Variants in LARGE1 observed in about 807,000 individuals in gnomAD.
The protein encoded by LARGE1 is xylosyl- and glucuronyltransferase LARGE1.
In LARGE1, 43 loss-of-function variants were observed where a neutral mutation model predicts 87.6. That is an observed-to-expected ratio of 0.49 (90% CI 0.38 to 0.63). The LOEUF is 0.63. Among genes scored for constraint, LARGE1 ranks in the 30% least tolerant of loss-of-function variants. The probability of loss-of-function intolerance (pLI) is 0.00; values close to 1 mark genes in which losing one functional copy is unlikely to be tolerated. For missense variants in LARGE1, 802 were observed against 1,000.2 expected (o/e 0.80, Z 2.67); for synonymous variants, 434 against 394.6 (o/e 1.10, Z -1.18).
chr22:33,771,616 T>A (rs543813070), intron 1 of LARGE1, among the ~76,000 whole-genome samples: 5 of 152,170 alleles, frequency 3.3e-5, no homozygotes, highest in Non-Finnish European at 7.4e-5. Flanking sequence ...AAAACCCCCA[T>A]GCCAACAGCT....
chr22:33,462,237 C>T (rs1346828670), intron 6 of LARGE1, among the ~76,000 whole-genome samples: 1 of 152,088 alleles, frequency 6.6e-6, no homozygotes, highest in Non-Finnish European at 1.5e-5. Context: ...GAGTGGAATA[C>T]CTTCAGTGTG....
At chr22:33,081,562 A>G in the LARGE1 span, among the ~76,000 whole-genome samples, 1 of 152,214 alleles carries the variant, frequency 6.6e-6, no homozygotes, top group Non-Finnish European at 1.5e-5. Flanking sequence ...CCAAGTCATA[A>G]AAGAAAGATA....
intron 3 of LARGE1, among the ~76,000 whole-genome samples, chr22:33,642,908 G>T (rs982781393): frequency 1.4e-4 from 21 of 151,916 alleles, no homozygotes; most frequent in Admixed American, 1.3e-3. Flanking sequence ...TAAGTTCTTA[G>T]ATATCTACAA....
intron 2 of LARGE1, among the ~76,000 whole-genome samples, chr22:33,662,089 A>AAG: frequency 6.6e-6 from 1 of 151,384 alleles, no homozygotes; most frequent in East Asian, 1.9e-4. Context: ...AAAAAAAAAA[A>AAG]AAAAAAAAAA....
At chr22:33,133,679 C>A in the LARGE1 span, among the ~76,000 whole-genome samples, 1 of 152,104 alleles carries the variant, frequency 6.6e-6, no homozygotes, top group Non-Finnish European at 1.5e-5. Flanking sequence ...ATTTATAATC[C>A]TTTGGGTATA....
chr22:33,584,430 C>G (rs148377737), intron 5 of LARGE1, among the ~76,000 whole-genome samples: 3 of 152,150 alleles, frequency 2.0e-5, no homozygotes, highest in Admixed American at 6.5e-5. Flanking sequence ...GACTATCCAG[C>G]TGGTAGCTGA....
Position 33,198,824 on chromosome 22 carries a change from C to G in LARGE1, c.1731-31992G>C, listed in dbSNP as rs528645398. Among the ~76,000 whole-genome samples, 10 of 152,262 alleles carry G rather than the reference C, an allele frequency of 6.6e-5. No individual in the cohort carries two copies. In the South Asian group the frequency reaches 1.7e-3, roughly 25 times the overall value. On this transcript the variant is annotated intron_variant, in intron 11 of 11. Transcript: ENST00000608642. The stretch of plus-strand genomic sequence containing the variant: ...GTGATAAACACACTAGTGCCAGTCT[C>G]TTTTTGATATAATGATTTGTTTCCC...
intron 6 of LARGE1, among the ~76,000 whole-genome samples, chr22:33,447,354 G>A (rs1369485497): frequency 6.6e-6 from 1 of 152,184 alleles, no homozygotes; most frequent in Non-Finnish European, 1.5e-5. Flanking sequence ...GTAAGGGCTG[G>A]AGACACAAAT....
chr22:33,694,933 A>C (rs2149349265), intron 2 of LARGE1, among the ~76,000 whole-genome samples: 1 of 152,284 alleles, frequency 6.6e-6, no homozygotes, highest in Middle Eastern at 3.4e-3. Flanking sequence ...TAAATTAATT[A>C]AGTGCTTAGT....
chr22:33,194,560 T>C (rs1247244172), intron 11 of LARGE1, among the ~76,000 whole-genome samples: 1 of 152,210 alleles, frequency 6.6e-6, no homozygotes, highest in African/African-American at 2.4e-5. Context: ...TTAGTATAGA[T>C]ATTAAGAGAA....
chr22:33,349,499 G>T (rs1457097205), intron 9 of LARGE1, among the ~76,000 whole-genome samples: 5 of 152,124 alleles, frequency 3.3e-5, no homozygotes, highest in Non-Finnish European at 7.4e-5. Context: ...CAACATCCCG[G>T]ACTGCTGGAT....
intron 5 of LARGE1, among the ~76,000 whole-genome samples, chr22:33,599,220 A>G (rs1267625084): frequency 6.6e-6 from 1 of 152,224 alleles, no homozygotes; most frequent in African/African-American, 2.4e-5. Flanking sequence ...AGCACTTGTT[A>G]GCAGTCTAAT....
chr22:33,372,032 G>A (rs1260127094), intron 9 of LARGE1, among the ~76,000 whole-genome samples: 3 of 151,428 alleles, frequency 2.0e-5, no homozygotes, highest in Non-Finnish European at 4.4e-5. Context: ...TAAATGGAAT[G>A]TGGAATAAAT....
intron 4 of LARGE1, among the ~76,000 whole-genome samples, chr22:33,610,133 C>T (rs1432730225): frequency 6.6e-6 from 1 of 152,058 alleles, no homozygotes; most frequent in Non-Finnish European, 1.5e-5. Flanking sequence ...CAAGAACAGC[C>T]TAACACAGAA....
intron 6 of LARGE1, among the ~76,000 whole-genome samples, chr22:33,456,136 C>A (rs567815214): frequency 6.6e-6 from 1 of 152,162 alleles, no homozygotes; most frequent in East Asian, 1.9e-4. Context: ...CCAGGCTAGG[C>A]CCACTTGTTC....
rs56832457 is a variant in LARGE1 at position 33,762,213 on chromosome 22, C to CAAAAAAAAA, written c.-82-664_-82-656dup. Reference sequence around the variant, plus strand: ...AGGGAGACAGAGCGAGATTCTATCTCAAAAAAAAAAAAAAAAAAAAAAAAA... The same window carrying CAAAAAAAAA: ...AGGGAGACAGAGCGAGATTCTATCTCAAAAAAAAAAAAAAAAAAAAAAAAAAAAAAAAAA... On this transcript the variant is annotated intron_variant, in intron 1 of 14. Coordinates refer to ENST00000397394, the MANE Select transcript of LARGE1 (RefSeq NM_133642.5). Among the ~76,000 whole-genome samples, 29 of 84,474 alleles carry CAAAAAAAAA rather than the reference C, an allele frequency of 3.4e-4. 1 individual carries two copies. Among genetic ancestry groups the CAAAAAAAAA allele is most frequent in the African/African-American group, 1.1e-3 (22 of 19,584 alleles). 55.4% of individuals were successfully genotyped at this position (84,474 alleles called of 152,430 possible).
chr22:33,516,293 C>T (rs574263253), intron 6 of LARGE1, among the ~76,000 whole-genome samples: 34 of 152,206 alleles, frequency 2.2e-4, no homozygotes, highest in African/African-American at 7.0e-4. Flanking sequence ...GGCAAGACAT[C>T]CAGCGGGCTG....
upstream of LARGE1, among the ~76,000 whole-genome samples, chr22:33,920,882 C>G (rs1440940827): frequency 6.8e-6 from 1 of 146,326 alleles, no homozygotes; most frequent in Non-Finnish European, 1.5e-5. Flanking sequence ...CCCCGCCTCC[C>G]GCGCCCGGCC....
the LARGE1 span, among the ~76,000 whole-genome samples, chr22:33,072,625 T>C: frequency 1.7e-3 from 253 of 152,314 alleles, 3 homozygotes; most frequent in Admixed American, 0.014. Flanking sequence ...CCAGAATGTA[T>C]ATTTCTAAAA....
Sources: allele counts gnomAD v4.1 joint callset (sites outside exome capture counted in the v4.1 genomes callset), GRCh38; gene constraint gnomAD v4.1.1; transcripts MANE v1.5; gene names NCBI Gene and HGNC (gene_info 2026-07-23, HGNC 2026-07-21).